CACNB2: variants seen among roughly 807,000 people sequenced by gnomAD.
CACNB2 encodes voltage-dependent L-type calcium channel subunit beta-2.
Under a neutral mutation model 73.3 loss-of-function variants are expected in CACNB2, and 42 were observed. That is an observed-to-expected ratio of 0.57 (90% CI 0.45 to 0.74). CACNB2 has a LOEUF of 0.74. CACNB2 is among the 30% of genes least tolerant of loss of function. The pLI is 0.00. For synonymous variants in CACNB2, 348 were observed against 310.3 expected, an observed-to-expected ratio of 1.12 and a Z score of -1.28; for missense variants, 940 against 853.0, an observed-to-expected ratio of 1.10 and a Z score of -1.27.
chr10:18,433,871 ATTT>A (rs2046005008), intron 3 of CACNB2, among the ~76,000 whole-genome samples: 1 of 124,872 alleles, frequency 8.0e-6, no homozygotes, highest in Non-Finnish European at 1.7e-5. Context: ...CTTAAATCAG[ATTT>A]TGTTGTTGTT....
chr10:18,324,459 G>T (rs1056839089), intron 2 of CACNB2, among the ~76,000 whole-genome samples: 5 of 152,220 alleles, frequency 3.3e-5, no homozygotes, highest in African/African-American at 1.2e-4. Context: ...ATTGGTAAAG[G>T]AATGTGCAAA....
chr10:18,421,717 G>A (rs2045334017), intron 3 of CACNB2, among the ~76,000 whole-genome samples: 1 of 152,150 alleles, frequency 6.6e-6, no homozygotes, highest in Admixed American at 6.6e-5. Context: ...TATCTAAACA[G>A]CTTGGCTTAT....
chr10:18,247,054 C>A (rs2036892574), intron 2 of CACNB2, among the ~76,000 whole-genome samples: 1 of 152,190 alleles, frequency 6.6e-6, no homozygotes, highest in South Asian at 2.1e-4. Flanking sequence ...TCTGCTGGGG[C>A]CTTCAGAGCT....
At chr10:18,375,942 C>T (rs2042780517) in intron 2 of CACNB2, among the ~76,000 whole-genome samples, 1 of 151,982 alleles carries the variant, frequency 6.6e-6, no homozygotes, top group Non-Finnish European at 1.5e-5. Flanking sequence ...GGAGGTTGCT[C>T]AAAAAACTAA....
intron 2 of CACNB2, among the ~76,000 whole-genome samples, chr10:18,230,026 G>C (rs559635962): frequency 6.6e-6 from 1 of 152,260 alleles, no homozygotes; most frequent in South Asian, 2.1e-4. Flanking sequence ...CAATTATTTT[G>C]ATCTGAATCA....
intron 2 of CACNB2, among the ~76,000 whole-genome samples, chr10:18,158,537 G>GA (rs2131076950): frequency 6.6e-6 from 1 of 152,158 alleles, no homozygotes; most frequent in East Asian, 1.9e-4. Context: ...ATACATGAAT[G>GA]AAAAAATTTC....
chr10:18,394,437 A>G (rs896025798), intron 2 of CACNB2, among the ~76,000 whole-genome samples: 2 of 152,232 alleles, frequency 1.3e-5, no homozygotes, highest in African/African-American at 4.8e-5. Context: ...CATCAGATGC[A>G]TGTAGGAATT....
chr10:18,397,786 C>T (rs1459817727), intron 2 of CACNB2, among the ~76,000 whole-genome samples: 3 of 150,500 alleles, frequency 2.0e-5, no homozygotes, highest in African/African-American at 7.3e-5. Flanking sequence ...ATAAATTAAT[C>T]CAGTGATATG....
At chr10:18,384,256 CATGATAAAAAT>C (rs1344295624) in intron 2 of CACNB2, among the ~76,000 whole-genome samples, 2 of 152,072 alleles carry the variant, frequency 1.3e-5, no homozygotes, top group Non-Finnish European at 2.9e-5. Flanking sequence ...GAATATTTTT[CATGATAAAAAT>C]ATAGTGTACC....
chr10:18,307,971 A>G (rs940407311), intron 2 of CACNB2, among the ~76,000 whole-genome samples: 5 of 99,238 alleles, frequency 5.0e-5, no homozygotes, highest in Non-Finnish European at 1.2e-4. Flanking sequence ...AGTCTAAAAT[A>G]ATATATGCCA....
chr10:18,150,879 T>TTTTTTTG lies in CACNB2; in HGVS notation c.121-3_121-2insTTTTTGT, dbSNP rs769211879. 1,409 of 1,258,530 alleles carry TTTTTTTG rather than the reference T, an allele frequency of 1.1e-3. 84 individuals are homozygous for TTTTTTTG. The highest frequency in any genetic ancestry group is 8.2e-3 in the African/African-American group (487 of 59,392). 78.0% of individuals were successfully genotyped at this position (1,258,530 alleles called of 1,614,324 possible). A position where few individuals can be genotyped will look rare whatever the true frequency, so the allele number is the denominator to read the frequency against. Reference sequence around the variant, plus strand: ...TCTTTTTTTTTTTTTTTTTTTTTTTTTAGTCATATGGAAAAGGAGCCAGAA... The same window carrying TTTTTTTG: ...TCTTTTTTTTTTTTTTTTTTTTTTTTTTTTTTGTAGTCATATGGAAAAGGAGCCAGAA... On this transcript the variant is annotated splice_polypyrimidine_tract_variant and splice_region_variant and intron_variant, in intron 1 of 13. Coordinates refer to ENST00000324631, the MANE Select transcript of CACNB2 (RefSeq NM_201596.3).
At chr10:18,197,678 C>A (rs1241658231) in intron 2 of CACNB2, among the ~76,000 whole-genome samples, 1 of 152,068 alleles carries the variant, frequency 6.6e-6, no homozygotes, top group East Asian at 1.9e-4. Flanking sequence ...AACCAATTCC[C>A]ATAGTCAGAG....
chr10:18,235,068 G>C (rs374350929), intron 2 of CACNB2, among the ~76,000 whole-genome samples: 11 of 151,562 alleles, frequency 7.3e-5, no homozygotes, highest in African/African-American at 1.9e-4. Context: ...GCATGAACCC[G>C]GGAGGCGGAG....
intron 3 of CACNB2, among the ~76,000 whole-genome samples, chr10:18,423,245 T>C (rs1398441264): frequency 6.6e-6 from 1 of 152,250 alleles, no homozygotes; most frequent in Admixed American, 6.5e-5. Flanking sequence ...GTGAGTGATA[T>C]GTAGAATGAC....
chr10:18,396,038 C>A (rs1360301599), intron 2 of CACNB2, among the ~76,000 whole-genome samples: 3 of 152,204 alleles, frequency 2.0e-5, no homozygotes, highest in African/African-American at 7.2e-5. Context: ...CTCACTGCAG[C>A]CTCTGCCTCC....
At chr10:18,273,789 A>G (rs2038157907) in intron 2 of CACNB2, among the ~76,000 whole-genome samples, 1 of 152,214 alleles carries the variant, frequency 6.6e-6, no homozygotes, top group East Asian at 1.9e-4. Context: ...GAATTATAGT[A>G]GGAGCTTGCA....
chr10:18,212,100 CTCAG>C (rs373654174), intron 2 of CACNB2, among the ~76,000 whole-genome samples: 68 of 152,310 alleles, frequency 4.5e-4, no homozygotes, highest in African/African-American at 1.4e-3. Flanking sequence ...ACACCTACAA[CTCAG>C]TCAATCAGTG....
chr10:18,195,312 C>G (rs576950784), intron 2 of CACNB2, among the ~76,000 whole-genome samples: 1 of 152,302 alleles, frequency 6.6e-6, no homozygotes, highest in East Asian at 1.9e-4. Flanking sequence ...AAGCGCCCAG[C>G]ACTATATTCT....
Position 18,331,434 on chromosome 10 carries a change from A to G in CACNB2, c.214-70490A>G, listed in dbSNP as rs547045125. Among the ~76,000 whole-genome samples, 3 of 151,396 alleles carry G rather than the reference A, an allele frequency of 2.0e-5. No homozygotes were observed. In the East Asian group the frequency reaches 5.8e-4, roughly 30 times the overall value. On this transcript the variant is annotated intron_variant, in intron 2 of 13. Coordinates refer to ENST00000324631, the MANE Select transcript of CACNB2 (RefSeq NM_201596.3). ...GCGTCATTGCAGTCTAGCCTGGAGA[A>G]CATAGCTAGATGGCATCTCATTTAA...
Sources: gnomAD v4.1 joint callset for allele counts (sites outside exome capture counted in the v4.1 genomes callset) on GRCh38, gnomAD v4.1.1 for gene constraint, MANE v1.5 for transcripts, NCBI Gene and HGNC (gene_info 2026-07-23, HGNC 2026-07-21) for gene names.